ANO3: variants seen among roughly 807,000 people sequenced by gnomAD.
ANO3 encodes the protein anoctamin 3.
Under a neutral mutation model 144.8 loss-of-function variants are expected in ANO3, and 99 were observed. The ratio of observed to expected loss-of-function variants is 0.68; its 90% confidence interval spans 0.58 to 0.81. ANO3 has a LOEUF of 0.81. Among genes scored for constraint, ANO3 ranks in the 30% least tolerant of loss-of-function variants. ANO3 has a pLI of 0.00. For synonymous variants in ANO3, 414 were observed against 392.6 expected, an observed-to-expected ratio of 1.05 and a Z score of -0.64; for missense variants, 905 against 1,202.2, an observed-to-expected ratio of 0.75 and a Z score of 3.66.
chr11:26,431,375 C>G (rs191436143), intron 1 of ANO3, among the ~76,000 whole-genome samples: 44 of 152,346 alleles, frequency 2.9e-4, no homozygotes, highest in Non-Finnish European at 3.7e-4. Context: ...GCCCCCATAA[C>G]TCAGGTAGTG....
At chr11:26,394,567 TTTC>T (rs2133966256) in intron 1 of ANO3, among the ~76,000 whole-genome samples, 1 of 113,688 alleles carries the variant, frequency 8.8e-6, no homozygotes, top group African/African-American at 2.8e-5. Context: ...TTGATTTCAT[TTTC>T]TTTTTTTTTT....
At chr11:26,615,538 G>A (rs1852233901) in intron 17 of ANO3, among the ~76,000 whole-genome samples, 1 of 151,748 alleles carries the variant, frequency 6.6e-6, no homozygotes, top group South Asian at 2.1e-4. Flanking sequence ...TCTATGAGCT[G>A]TAATTTCTGG....
chr11:26,561,843 CA>C (rs1202343125), intron 14 of ANO3, among the ~76,000 whole-genome samples: 2 of 151,842 alleles, frequency 1.3e-5, no homozygotes, highest in African/African-American at 4.8e-5. Flanking sequence ...ATTTTCAAAG[CA>C]AAACTGGACA....
At chr11:26,575,997 C>T (rs1435907449) in intron 14 of ANO3, among the ~76,000 whole-genome samples, 1 of 152,148 alleles carries the variant, frequency 6.6e-6, no homozygotes, top group Non-Finnish European at 1.5e-5. Context: ...CTGACGTGAT[C>T]ATAGTCCGCA....
chr11:26,640,633 G>A lies in ANO3; in HGVS notation c.2142-1263G>A, dbSNP rs530367743. On this transcript the variant is annotated intron_variant, in intron 21 of 26. Transcript: ENST00000256737. ...TTTTTATTATCACTACTCATGGACTGCTACACTTGGTGCACTTTAGACAGG... is the reference window on the plus strand; with the variant it reads ...TTTTTATTATCACTACTCATGGACTACTACACTTGGTGCACTTTAGACAGG... Among the ~76,000 whole-genome samples, 4 of 152,272 alleles carry A rather than the reference G, an allele frequency of 2.6e-5. No individual in the cohort carries two copies. In the South Asian group the frequency reaches 8.3e-4, roughly 32 times the overall value.
chr11:26,525,096 T>G (rs1156760749), intron 6 of ANO3, among the ~76,000 whole-genome samples: 1 of 152,160 alleles, frequency 6.6e-6, no homozygotes, highest in Non-Finnish European at 1.5e-5. Context: ...TCTTGCATTT[T>G]CACATTTTAT....
intron 1 of ANO3, among the ~76,000 whole-genome samples, chr11:26,338,771 A>G (rs1434357252): frequency 1.3e-5 from 2 of 151,664 alleles, no homozygotes; most frequent in Non-Finnish European, 2.9e-5. Flanking sequence ...CTGGGGCTTC[A>G]CTCCTGAAGT....
At chr11:26,384,089 A>G (rs1168460111) in intron 1 of ANO3, among the ~76,000 whole-genome samples, 1 of 151,772 alleles carries the variant, frequency 6.6e-6, no homozygotes, top group Admixed American at 6.6e-5. Flanking sequence ...AGTAAAGACT[A>G]AAAATGTTCA....
intron 1 of ANO3, among the ~76,000 whole-genome samples, chr11:26,412,856 G>T (rs1368454759): frequency 1.4e-5 from 2 of 146,312 alleles, no homozygotes; most frequent in Non-Finnish European, 3.0e-5. Context: ...GTAAAGTAAA[G>T]ATAGTAACTC....
chr11:26,455,764 A>C (rs1859129792), intron 3 of ANO3, among the ~76,000 whole-genome samples: 2 of 150,808 alleles, frequency 1.3e-5, no homozygotes, highest in Non-Finnish European at 3.0e-5. Flanking sequence ...CCGCATCGCC[A>C]AGTCAATCCT....
At chr11:26,369,735 C>A (rs1590300472) in intron 1 of ANO3, among the ~76,000 whole-genome samples, 1 of 152,212 alleles carries the variant, frequency 6.6e-6, no homozygotes, top group East Asian at 1.9e-4. Context: ...AAGAAAGTAT[C>A]TCCTTACAGT....
chr11:26,527,266 T>C (rs1373681074), intron 7 of ANO3, among the ~76,000 whole-genome samples: 1 of 152,152 alleles, frequency 6.6e-6, no homozygotes, highest in Non-Finnish European at 1.5e-5. Context: ...AAATGAACAC[T>C]ATTATATGTC....
intron 1 of ANO3, among the ~76,000 whole-genome samples, chr11:26,332,745 C>T (rs1855088873): frequency 6.6e-6 from 1 of 152,084 alleles, no homozygotes; most frequent in Admixed American, 6.5e-5. Flanking sequence ...CGCATTTACA[C>T]AATCATAAGA....
At chr11:26,212,052 C>G (rs1851944197) in intron 1 of ANO3, among the ~76,000 whole-genome samples, 1 of 151,980 alleles carries the variant, frequency 6.6e-6, no homozygotes, top group Non-Finnish European at 1.5e-5. Flanking sequence ...ACACTGGGGC[C>G]TGTCAGGTGG....
intron 7 of ANO3, 54 bp from the exon 8 acceptor site, chr11:26,531,151 G>A (rs1311030482): frequency 6.3e-7 from 1 of 1,598,952 alleles, no homozygotes; most frequent in Non-Finnish European, 8.5e-7. Flanking sequence ...GTGGAAGGTA[G>A]TCATGGCTTT....
At chr11:26,272,263 C>G (rs1344240846) in intron 1 of ANO3, among the ~76,000 whole-genome samples, 1 of 151,658 alleles carries the variant, frequency 6.6e-6, no homozygotes, top group African/African-American at 2.4e-5. Context: ...CATGATATTA[C>G]AAGAAAAAGT....
intron 1 of ANO3, among the ~76,000 whole-genome samples, chr11:26,366,700 G>C (rs1856096316): frequency 1.3e-5 from 2 of 151,948 alleles, no homozygotes; most frequent in East Asian, 3.9e-4. Flanking sequence ...TCTCATTGTG[G>C]TTTTGATTTG....
intron 18 of ANO3, among the ~76,000 whole-genome samples, chr11:26,633,748 T>C (rs1036107830): frequency 6.6e-6 from 1 of 152,178 alleles, no homozygotes; most frequent in Admixed American, 6.6e-5. Context: ...CAGACACAGA[T>C]GCTAGAAATC....
At chr11:26,210,677 TCTC>T (rs1851913751) in intron 1 of ANO3, among the ~76,000 whole-genome samples, 1 of 152,168 alleles carries the variant, frequency 6.6e-6, no homozygotes, top group African/African-American at 2.4e-5. Context: ...GGTTTGTAGT[TCTC>T]CTTGAAGAAG....
Sources: gnomAD v4.1 joint callset for allele counts (sites outside exome capture counted in the v4.1 genomes callset) on GRCh38, gnomAD v4.1.1 for gene constraint, MANE v1.5 for transcripts, NCBI Gene and HGNC (gene_info 2026-07-23, HGNC 2026-07-21) for gene names.